Variants in SLC22A23 observed in about 807,000 individuals in gnomAD.
SLC22A23 encodes the protein ion transporter protein.
In SLC22A23, 26 loss-of-function variants were observed where a neutral mutation model predicts 61.0. The observed-to-expected ratio is 0.43, with a 90% CI of 0.31 to 0.59. The LOEUF is 0.59. SLC22A23 is among the 20% of genes least tolerant of loss of function. The pLI is 0.11. For synonymous variants in SLC22A23, 430 were observed against 413.9 expected, an observed-to-expected ratio of 1.04 and a Z score of -0.47; for missense variants, 796 against 934.7, an observed-to-expected ratio of 0.85 and a Z score of 1.94.
intron 3 of SLC22A23, among the ~76,000 whole-genome samples, chr6:3,347,852 C>T (rs1764530392): frequency 6.6e-6 from 1 of 152,204 alleles, no homozygotes; most frequent in South Asian, 2.1e-4. Context: ...CTGCCCTGCC[C>T]TCAGGCTGTG....
At chr6:3,444,920 C>G (rs536286623) in intron 1 of SLC22A23, 12 of 985,446 alleles carry the variant, frequency 1.2e-5, no homozygotes, top group East Asian at 1.1e-4. Context: ...CTCCTCCCCC[C>G]TCAAAGTGCT....
intron 1 of SLC22A23, among the ~76,000 whole-genome samples, chr6:3,437,773 GT>G (rs1771323447): frequency 7.4e-6 from 1 of 134,478 alleles, no homozygotes; most frequent in Non-Finnish European, 1.6e-5. Context: ...TTGAGACAGA[GT>G]TTTGCTCTTG....
intron 5 of SLC22A23, among the ~76,000 whole-genome samples, chr6:3,295,057 T>C (rs967798558): frequency 6.7e-6 from 1 of 150,182 alleles, no homozygotes; most frequent in African/African-American, 2.5e-5. Context: ...TAAATATTCA[T>C]GGCACACCTG....
chr6:3,455,862 C>T, intron 1 of SLC22A23, 44 bp downstream of exon 1: 3 of 1,458,812 alleles, frequency 2.1e-6, no homozygotes, highest in Non-Finnish European at 2.7e-6. Flanking sequence ...GGACCTCGGT[C>T]TGCAGGGAGA....
chr6:3,278,650 G>A (rs1306279210), intron 9 of SLC22A23, among the ~76,000 whole-genome samples: 1 of 152,196 alleles, frequency 6.6e-6, no homozygotes, highest in Non-Finnish European at 1.5e-5. Flanking sequence ...GAATGGGACA[G>A]GTTAAATAGA....
intron 1 of SLC22A23, among the ~76,000 whole-genome samples, chr6:3,436,292 C>T (rs1300743204): frequency 2.6e-5 from 4 of 152,084 alleles, no homozygotes; most frequent in Non-Finnish European, 5.9e-5. Flanking sequence ...CCCGCCACCA[C>T]GTCCAGCTAT....
intron 3 of SLC22A23, among the ~76,000 whole-genome samples, chr6:3,359,926 T>G (rs1430140741): frequency 6.6e-6 from 1 of 152,230 alleles, no homozygotes; most frequent in Non-Finnish European, 1.5e-5. Context: ...TTTTCTTTTT[T>G]TCTTATTTTC....
chr6:3,428,990 G>A (rs1770686646), intron 1 of SLC22A23, among the ~76,000 whole-genome samples: 1 of 124,534 alleles, frequency 8.0e-6, no homozygotes, highest in Non-Finnish European at 1.9e-5. Flanking sequence ...AAACGTATTT[G>A]GCTTCGGAAA....
chr6:3,359,048 G>A (rs1044272451), intron 3 of SLC22A23, among the ~76,000 whole-genome samples: 4 of 152,096 alleles, frequency 2.6e-5, no homozygotes, highest in African/African-American at 9.7e-5. Context: ...GAGAGAATAG[G>A]GAATTCAAAA....
chr6:3,275,495 C>T (rs1436621604), intron 9 of SLC22A23, among the ~76,000 whole-genome samples: 4 of 152,102 alleles, frequency 2.6e-5, no homozygotes, highest in Non-Finnish European at 5.9e-5. Flanking sequence ...AAACTCCTAC[C>T]CTTCAAAAGA....
chr6:3,415,905 T>C, intron 1 of SLC22A23, 50 bp from the exon 2 acceptor site: 1 of 1,360,642 alleles, frequency 7.3e-7, no homozygotes, highest in Non-Finnish European at 1.0e-6. Flanking sequence ...TACACAGAGC[T>C]AGTCGTACTC....
chr6:3,365,074 T>C (rs1765718337), intron 3 of SLC22A23, among the ~76,000 whole-genome samples: 2 of 152,178 alleles, frequency 1.3e-5, no homozygotes, highest in Non-Finnish European at 1.5e-5. Context: ...ATCCCAACAC[T>C]TTGGGAGGCC....
At position 3,421,670 on chromosome 6, in the gene SLC22A23, C is replaced by T. The variant is rs534523080; in HGVS notation, c.655-5815G>A. Among the ~76,000 whole-genome samples, 54 of 152,030 alleles carry T rather than the reference C, an allele frequency of 3.6e-4. No individual in the cohort carries two copies. In the South Asian group the frequency reaches 0.011, roughly 30 times the overall value. On this transcript the variant is annotated intron_variant, in intron 1 of 9. Transcript: ENST00000406686. ...TTTCTTGACTTTTCCAAACTTTCTACGATGAATCTATAAGCCCTCAAATGA... is the reference window on the plus strand; with the variant it reads ...TTTCTTGACTTTTCCAAACTTTCTATGATGAATCTATAAGCCCTCAAATGA...
intron 4 of SLC22A23, among the ~76,000 whole-genome samples, chr6:3,311,405 TA>T (rs763088426): frequency 3.9e-5 from 6 of 152,316 alleles, no homozygotes; most frequent in Non-Finnish European, 7.3e-5. Flanking sequence ...GAAGAGATTC[TA>T]AAAAAATAAT....
At chr6:3,299,502 CT>C (rs1439737450) in intron 4 of SLC22A23, among the ~76,000 whole-genome samples, 1 of 152,174 alleles carries the variant, frequency 6.6e-6, no homozygotes, top group Non-Finnish European at 1.5e-5. Context: ...GCGACAGAAT[CT>C]TTTTCTTTTT....
At chr6:3,408,476 A>G (rs530988289) in intron 3 of SLC22A23, among the ~76,000 whole-genome samples, 35 of 152,330 alleles carry the variant, frequency 2.3e-4, no homozygotes, top group African/African-American at 8.4e-4. Context: ...ATTCATGGAT[A>G]GTCTCTCCAG....
In SLC22A23 at chr6:3,342,102, C is replaced by T. The variant is rs1317027959; in HGVS notation, c.914-18100G>A. Among the ~76,000 whole-genome samples the T allele has an allele frequency of 2.0e-5, 3 of 152,094 alleles. No homozygotes were observed. Among genetic ancestry groups the T allele is most frequent in the African/African-American group, 4.8e-5 (2 of 41,412 alleles). On this transcript the variant is annotated intron_variant, in intron 3 of 9. Transcript: ENST00000406686. This position sits in a 1 kb window ranked among gnomAD's most constrained non-coding sequence, Gnocchi z 4.0. ...AAAGCTGCTAGTTTAGGTTCAGCAG[C>T]TCCTAAACTAGCATTTTGTTCCTCT...
intron 9 of SLC22A23, among the ~76,000 whole-genome samples, chr6:3,278,514 T>C (rs182187638): frequency 1.3e-5 from 2 of 152,368 alleles, no homozygotes; most frequent in African/African-American, 2.4e-5. Flanking sequence ...TACTAGTCTC[T>C]GAGCCCTTCA....
intron 1 of SLC22A23, among the ~76,000 whole-genome samples, chr6:3,425,441 C>T (rs1362876401): frequency 2.0e-5 from 3 of 151,878 alleles, no homozygotes; most frequent in Admixed American, 6.6e-5. Context: ...CCCGCCACCA[C>T]GCCCGGCTAA....
Sources: gnomAD v4.1 joint callset for allele counts (sites outside exome capture counted in the v4.1 genomes callset) on GRCh38, gnomAD v4.1.1 for gene constraint, Gnocchi (gnomAD v3.1) non-coding constraint, MANE v1.5 for transcripts, NCBI Gene and HGNC (gene_info 2026-07-23, HGNC 2026-07-21) for gene names.